PPP1R9A: variants seen among roughly 807,000 people sequenced by gnomAD.
The protein encoded by PPP1R9A is neurabin-1.
Under a neutral mutation model 141.9 loss-of-function variants are expected in PPP1R9A, and 59 were observed. The observed-to-expected ratio is 0.42, with a 90% CI of 0.34 to 0.52. PPP1R9A has a LOEUF of 0.52. Ranked by LOEUF, PPP1R9A falls within the 20% of genes least tolerant of loss-of-function variation. The probability of loss-of-function intolerance (pLI) is 0.10; values close to 1 mark genes in which losing one functional copy is unlikely to be tolerated. For synonymous variants in PPP1R9A, 500 were observed against 569.7 expected (o/e 0.88, Z 1.74); for missense variants, 1,444 against 1,611.9 (o/e 0.90, Z 1.78).
chr7:95,159,939 A>AAAAAAG (rs1554533983), intron 4 of PPP1R9A, among the ~76,000 whole-genome samples: 2 of 141,644 alleles, frequency 1.4e-5, no homozygotes, highest in East Asian at 4.1e-4. Context: ...AAAAAAAAAA[A>AAAAAAG]AAAGAAAGAA....
At chr7:94,996,386 T>C (rs921438560) in intron 2 of PPP1R9A, among the ~76,000 whole-genome samples, 11 of 152,172 alleles carry the variant, frequency 7.2e-5, no homozygotes, top group Admixed American at 7.2e-4. Context: ...AACTAGATAC[T>C]GGGAGAAAAT....
intron 2 of PPP1R9A, among the ~76,000 whole-genome samples, chr7:94,961,752 T>G (rs1279033249): frequency 6.6e-6 from 1 of 151,934 alleles, no homozygotes; most frequent in Admixed American, 6.6e-5. Context: ...ATGTTTGCCC[T>G]TATCGTTTAA....
intron 2 of PPP1R9A, among the ~76,000 whole-genome samples, chr7:94,979,166 C>CTG (rs1799803938): frequency 6.6e-6 from 1 of 152,184 alleles, no homozygotes; most frequent in Admixed American, 6.5e-5. Flanking sequence ...TGGGCAAATT[C>CTG]TGAAGGGAGA....
At chr7:94,918,445 C>T (rs890675337) in intron 2 of PPP1R9A, among the ~76,000 whole-genome samples, 3 of 151,772 alleles carry the variant, frequency 2.0e-5, no homozygotes, top group East Asian at 1.9e-4. Flanking sequence ...GGAGGTGGTG[C>T]ACTCACTCTT....
At chr7:95,155,469 C>T (rs1829458335) in intron 4 of PPP1R9A, 2 of 152,196 alleles carry the variant, frequency 1.3e-5, no homozygotes, top group Admixed American at 6.5e-5. Flanking sequence ...CGATTGTAGG[C>T]ATGAGCCACT....
intron 2 of PPP1R9A, among the ~76,000 whole-genome samples, chr7:94,929,863 G>C (rs1371257508): frequency 6.6e-6 from 1 of 152,156 alleles, no homozygotes; most frequent in Admixed American, 6.5e-5. Context: ...AGCTGGATTA[G>C]GCAGAAGATG....
Position 95,273,916 on chromosome 7 carries a change from A to G in PPP1R9A, c.3142A>G (p.Lys1048Glu). Reference protein sequence around the residue: ...LREKDDAKDPKSLRASSSLAV... With the variant: ...LREKDDAKDPESLRASSSLAV... ...TATCCTAGATGATGCCAAAGATCCC[A>G]AATCACTAAGGGCATCCAGTTCATT... is the stretch of plus-strand genomic sequence containing the variant. Residue 1048 changes from lysine (K) to glutamate (E), a missense_variant, in exon 15 of 20, where the codon AAA (lysine) becomes GAA (glutamate). Transcript: ENST00000433360. 6.7e-7 allele frequency: 1 copy of G among 1,503,736 alleles called. No individual in the cohort carries two copies. The highest frequency in any genetic ancestry group is 1.4e-5 in the African/African-American group (1 of 72,842). The allele number at this position is 1,503,736 out of a possible 1,614,324, so 93.1% of individuals were successfully genotyped here.
At chr7:94,921,200 A>G (rs1334888591) in intron 2 of PPP1R9A, among the ~76,000 whole-genome samples, 1 of 152,012 alleles carries the variant, frequency 6.6e-6, no homozygotes, top group East Asian at 1.9e-4. Context: ...TAATTCCAAC[A>G]CTTTGGGAGG....
chr7:94,909,301 G>T (rs1178740806), intron 1 of PPP1R9A, among the ~76,000 whole-genome samples: 1 of 152,138 alleles, frequency 6.6e-6, no homozygotes, highest in Non-Finnish European at 1.5e-5. Flanking sequence ...GAAACTTATT[G>T]CTATTCAGGA....
chr7:94,911,610 G>T, intron 2 of PPP1R9A, 102 bp downstream of exon 2: 1 of 880,402 alleles, frequency 1.1e-6, no homozygotes, highest in Non-Finnish European at 1.7e-6. Context: ...TTTTGTAAGG[G>T]ATTCAAGATT....
intron 2 of PPP1R9A, among the ~76,000 whole-genome samples, chr7:95,065,309 C>T (rs1186197176): frequency 6.6e-6 from 1 of 152,162 alleles, no homozygotes; most frequent in African/African-American, 2.4e-5. Context: ...CCAAGCAATC[C>T]TCCCATGGGC....
chr7:94,986,599 A>G (rs1800868513), intron 2 of PPP1R9A, among the ~76,000 whole-genome samples: 1 of 152,182 alleles, frequency 6.6e-6, no homozygotes, highest in Non-Finnish European at 1.5e-5. Flanking sequence ...TATTTTCAAA[A>G]AGCTAGAAGA....
intron 4 of PPP1R9A, among the ~76,000 whole-genome samples, chr7:95,137,415 C>CAAAAAAAAAAAAAAAAAAAAA (rs33928009): frequency 8.7e-5 from 8 of 91,488 alleles, no homozygotes; most frequent in African/African-American, 3.0e-4. Flanking sequence ...GACATGAACT[C>CAAAAAAAAAAAAAAAAAAAAA]AAAAAAAAAA....
Position 95,250,175 on chromosome 7 carries a change from C to T in PPP1R9A, c.2316C>T (p.Leu772=), listed in dbSNP as rs1426750317. The part of the protein sequence containing the change: ...QTLCHTVNEH[L]KETQSQYQAL... ...TATGCCACACAGTGAATGAGCATCTCAAAGAGACTCAAAGCCAGTATCAGG... is the reference window on the plus strand; with the variant it reads ...TATGCCACACAGTGAATGAGCATCTTAAAGAGACTCAAAGCCAGTATCAGG... Residue 772 remains leucine, a synonymous_variant, in exon 10 of 20, where the codon CTC becomes CTT. Coordinates refer to ENST00000433360, the MANE Select transcript of PPP1R9A (RefSeq NM_001166160.2). 4 of 1,613,896 alleles carry T rather than the reference C, an allele frequency of 2.5e-6. No individual in the cohort carries two copies. Among genetic ancestry groups the T allele is most frequent in the South Asian group, 1.1e-5 (1 of 91,060 alleles).
rs190628941 is a variant in PPP1R9A, at chr7:95,092,608, C to T, written c.1396-18651C>T. 1.6e-4 allele frequency among the ~76,000 whole-genome samples: 24 copies of T among 152,310 alleles called. No homozygotes were observed. In the East Asian group the frequency reaches 4.4e-3, roughly 28 times the overall value. The stretch of plus-strand genomic sequence containing the variant: ...GAACTGCTTTTATCAGGCAGACTCC[C>T]TGTAAGCACCTGTTGAGTAGATCCT... On this transcript the variant is annotated intron_variant, in intron 2 of 19. Transcript: ENST00000433360.
chr7:95,202,575 C>T (rs1367575682), intron 6 of PPP1R9A: 1 of 898,784 alleles, frequency 1.1e-6, no homozygotes, highest in South Asian at 5.1e-5. Flanking sequence ...TGAAAGGTTG[C>T]CATGGAGGAT....
chr7:95,184,587 C>G (rs912731018), intron 5 of PPP1R9A, among the ~76,000 whole-genome samples: 3 of 152,096 alleles, frequency 2.0e-5, no homozygotes, highest in Non-Finnish European at 4.4e-5. Context: ...GTACACTGTT[C>G]CCAATGTGTA....
At chr7:95,197,316 A>T (rs1473024699) in intron 5 of PPP1R9A, among the ~76,000 whole-genome samples, 11 of 152,220 alleles carry the variant, frequency 7.2e-5, no homozygotes, top group African/African-American at 2.7e-4. Context: ...AAAAGATGTT[A>T]AAAAATGAAT....
intron 4 of PPP1R9A, among the ~76,000 whole-genome samples, chr7:95,131,357 G>A (rs1246712321): frequency 6.6e-6 from 1 of 152,156 alleles, no homozygotes; most frequent in East Asian, 1.9e-4. Flanking sequence ...CAGCCATGTG[G>A]AACTGTAAGT....
Sources: allele counts gnomAD v4.1 joint callset (sites outside exome capture counted in the v4.1 genomes callset), GRCh38; gene constraint gnomAD v4.1.1; transcripts MANE v1.5; gene names NCBI Gene and HGNC (gene_info 2026-07-23, HGNC 2026-07-21).